GMDS: variants seen among roughly 807,000 people sequenced by gnomAD.
The protein encoded by GMDS is GDP-mannose 4,6-dehydratase.
Under a neutral mutation model 49.9 loss-of-function variants are expected in GMDS, and 20 were observed. That is an observed-to-expected ratio of 0.40 (90% CI 0.28 to 0.58). The LOEUF (loss-of-function observed/expected upper bound fraction) is 0.58. Ranked by LOEUF, GMDS falls within the 20% of genes least tolerant of loss-of-function variation. The pLI is 0.42. For synonymous variants in GMDS, 177 were observed against 178.6 expected (o/e 0.99, Z 0.07); for missense variants, 362 against 481.4 (o/e 0.75, Z 2.32).
rs114160298 is a variant in GMDS, at chr6:2,132,807, G to A, written c.103-8076C>T. Among the ~76,000 whole-genome samples, 865 of 152,300 alleles carry A rather than the reference G, an allele frequency of 5.7e-3. 2 individuals carry two copies. Among genetic ancestry groups the A allele is most frequent in the Middle Eastern group, 0.017 (5 of 294 alleles). Reference sequence around the variant, plus strand: ...ACCGGACAGTTCAGTGCTGATGTGAGTAACTCCTTTCAAGTTTACAATATA... The same window carrying A: ...ACCGGACAGTTCAGTGCTGATGTGAATAACTCCTTTCAAGTTTACAATATA... On this transcript the variant is annotated intron_variant, in intron 1 of 10. Coordinates refer to ENST00000380815, the MANE Select transcript of GMDS (RefSeq NM_001500.4).
chr6:2,022,274 C>G (rs567969837), intron 4 of GMDS, among the ~76,000 whole-genome samples: 2 of 152,042 alleles, frequency 1.3e-5, no homozygotes, highest in African/African-American at 2.4e-5. Context: ...GTAGGAAGGG[C>G]AAACCTTCAA....
At chr6:1,871,501 C>T (rs1390256487) in intron 7 of GMDS, among the ~76,000 whole-genome samples, 1 of 152,010 alleles carries the variant, frequency 6.6e-6, no homozygotes, top group Non-Finnish European at 1.5e-5. Flanking sequence ...AATGATGTTC[C>T]CTGACATGAG....
chr6:2,049,735 C>T (rs758949885), intron 4 of GMDS, among the ~76,000 whole-genome samples: 3 of 152,102 alleles, frequency 2.0e-5, no homozygotes, highest in Non-Finnish European at 4.4e-5. Context: ...GCCTCAAAAC[C>T]GCACAACAAC....
chr6:2,112,999 A>G (rs1400563980), intron 4 of GMDS, among the ~76,000 whole-genome samples: 1 of 152,182 alleles, frequency 6.6e-6, no homozygotes, highest in East Asian at 1.9e-4. Flanking sequence ...AGAGCTGAAT[A>G]TACAGCTCTG....
intron 6 of GMDS, among the ~76,000 whole-genome samples, chr6:1,943,170 C>A (rs1315601886): frequency 1.3e-5 from 2 of 152,216 alleles, no homozygotes; most frequent in African/African-American, 2.4e-5. Context: ...GCAGACCCCC[C>A]AGCATGCACA....
At chr6:1,802,615 T>A (rs755771041) in intron 7 of GMDS, among the ~76,000 whole-genome samples, 9 of 152,224 alleles carry the variant, frequency 5.9e-5, no homozygotes, top group Admixed American at 2.6e-4. Context: ...CCTGCTCCGC[T>A]GTTGTTCGGC....
intron 7 of GMDS, among the ~76,000 whole-genome samples, chr6:1,851,243 A>C (rs115925270): frequency 0.028 from 4,283 of 152,310 alleles, 197 homozygotes; most frequent in African/African-American, 0.097. Context: ...GTCCCAAACA[A>C]CGAGGGGAAA....
At chr6:2,105,289 C>T (rs1220381031) in intron 4 of GMDS, among the ~76,000 whole-genome samples, 1 of 151,098 alleles carries the variant, frequency 6.6e-6, no homozygotes, top group African/African-American at 2.4e-5. Context: ...TATTTACACA[C>T]ATTATGTAAA....
chr6:2,022,600 T>G (rs1015832820), intron 4 of GMDS, among the ~76,000 whole-genome samples: 20 of 152,168 alleles, frequency 1.3e-4, no homozygotes, highest in Admixed American at 5.2e-4. Context: ...CCACCACATT[T>G]AACAGTACAA....
chr6:1,683,005 C>T (rs115143286), intron 9 of GMDS, among the ~76,000 whole-genome samples: 1,527 of 152,284 alleles, frequency 0.01, 33 homozygotes, highest in African/African-American at 0.035. Flanking sequence ...GTCATGGAGA[C>T]GGGGTAAAAC....
chr6:1,795,288 A>AT (rs1350954024), intron 7 of GMDS, among the ~76,000 whole-genome samples: 2 of 152,178 alleles, frequency 1.3e-5, no homozygotes, highest in Non-Finnish European at 2.9e-5. Flanking sequence ...TGAGGTACAG[A>AT]TTTTTTGTTT....
intron 1 of GMDS, among the ~76,000 whole-genome samples, chr6:2,238,327 G>A (rs983305338): frequency 1.3e-5 from 2 of 152,052 alleles, no homozygotes; most frequent in Non-Finnish European, 2.9e-5. Flanking sequence ...AAGCTGCAGC[G>A]AGCTATGATT....
chr6:1,798,259 AC>A (rs1769816390), intron 7 of GMDS, among the ~76,000 whole-genome samples: 1 of 151,606 alleles, frequency 6.6e-6, no homozygotes, highest in African/African-American at 2.4e-5. Flanking sequence ...ACACACACAC[AC>A]ACACACACAC....
At chr6:1,747,502 A>ACG (rs1767554951) in intron 7 of GMDS, among the ~76,000 whole-genome samples, 3 of 149,388 alleles carry the variant, frequency 2.0e-5, no homozygotes, top group African/African-American at 7.4e-5. Flanking sequence ...ACACACACAC[A>ACG]CACACACTTA....
chr6:2,106,963 G>A (rs1581659246), intron 4 of GMDS, among the ~76,000 whole-genome samples: 1 of 151,810 alleles, frequency 6.6e-6, no homozygotes, highest in Non-Finnish European at 1.5e-5. Flanking sequence ...TTAATATTGT[G>A]GTAAATATGT....
chr6:1,742,417 G>A, intron 8 of GMDS, 51 bp downstream of exon 8: 1 of 1,007,076 alleles, frequency 9.9e-7, no homozygotes, highest in Non-Finnish European at 1.6e-6. Context: ...AGCAAGCTCA[G>A]GTGCATACCT....
chr6:1,983,776 T>G (rs1164185850), intron 4 of GMDS, among the ~76,000 whole-genome samples: 1 of 152,014 alleles, frequency 6.6e-6, no homozygotes, highest in Non-Finnish European at 1.5e-5. Flanking sequence ...TTGGTTGGAG[T>G]GTAAATTAGT....
intron 7 of GMDS, among the ~76,000 whole-genome samples, chr6:1,847,552 T>C (rs1427257444): frequency 6.6e-6 from 1 of 152,216 alleles, no homozygotes; most frequent in African/African-American, 2.4e-5. Context: ...ACATGTCCCA[T>C]GCTTACTAAT....
intron 6 of GMDS, among the ~76,000 whole-genome samples, chr6:1,941,070 A>C (rs57051298): frequency 0.014 from 242 of 17,722 alleles, no homozygotes; most frequent in South Asian, 0.084. Flanking sequence ...TCCCCAAAAT[A>C]AAAAAAAAAA....
Sources: gnomAD v4.1 joint callset for allele counts (sites outside exome capture counted in the v4.1 genomes callset) on GRCh38, gnomAD v4.1.1 for gene constraint, MANE v1.5 for transcripts, NCBI Gene and HGNC (gene_info 2026-07-23, HGNC 2026-07-21) for gene names.